Variants in MNAT1 observed in about 807,000 individuals in gnomAD.
MNAT1 encodes the protein MNAT1 component of CDK activating kinase, also known as CDK-activating kinase assembly factor MAT1.
Under a neutral mutation model 42.0 loss-of-function variants are expected in MNAT1, and 43 were observed. The observed-to-expected ratio is 1.02, with a 90% CI of 0.80 to 1.32. The LOEUF (loss-of-function observed/expected upper bound fraction) is 1.32. MNAT1 is among the 40% of genes most tolerant of loss of function. MNAT1 has a pLI of 0.00. For missense variants in MNAT1, 306 were observed against 350.4 expected (o/e 0.87, Z 1.01); for synonymous variants, 118 against 120.0 (o/e 0.98, Z 0.11).
At chr14:60,850,489 C>T (rs1358269245) in intron 6 of MNAT1, among the ~76,000 whole-genome samples, 5 of 152,116 alleles carry the variant, frequency 3.3e-5, no homozygotes, top group Non-Finnish European at 5.9e-5. Flanking sequence ...GACTTTTTTC[C>T]TTGCCTTTAT....
At chr14:60,764,497 G>T (rs1320326965) in intron 1 of MNAT1, among the ~76,000 whole-genome samples, 2 of 152,246 alleles carry the variant, frequency 1.3e-5, no homozygotes, top group East Asian at 1.9e-4. Context: ...CATACTTTTG[G>T]TCCCTTGTTT....
intron 7 of MNAT1, among the ~76,000 whole-genome samples, chr14:60,964,225 C>A (rs930865429): frequency 1.3e-5 from 2 of 152,114 alleles, no homozygotes; most frequent in African/African-American, 4.8e-5. Flanking sequence ...AGGAACAAAC[C>A]TTCAAGTGTG....
At chr14:60,921,152 A>G (rs2035651499) in intron 7 of MNAT1, among the ~76,000 whole-genome samples, 1 of 152,152 alleles carries the variant, frequency 6.6e-6, no homozygotes, top group African/African-American at 2.4e-5. Flanking sequence ...ATGTTACATA[A>G]ACTGTTGGAG....
chr14:60,738,512 C>T (rs914891977), intron 1 of MNAT1, among the ~76,000 whole-genome samples: 1 of 152,070 alleles, frequency 6.6e-6, no homozygotes, highest in Admixed American at 6.5e-5. Context: ...CCTCGATCCT[C>T]CCAAAGTGCT....
intron 7 of MNAT1, among the ~76,000 whole-genome samples, chr14:60,897,664 A>G (rs988034260): frequency 1.3e-5 from 2 of 152,234 alleles, no homozygotes; most frequent in African/African-American, 4.8e-5. Flanking sequence ...ATATTTTTAC[A>G]TGCATAGAAT....
chr14:60,893,759 A>G (rs907544587), intron 7 of MNAT1, among the ~76,000 whole-genome samples: 4 of 151,874 alleles, frequency 2.6e-5, no homozygotes, highest in African/African-American at 9.7e-5. Flanking sequence ...TCTAGTTTTC[A>G]ACAGGCTCTG....
chr14:60,853,327 C>G (rs148595960), intron 6 of MNAT1, among the ~76,000 whole-genome samples: 1 of 152,146 alleles, frequency 6.6e-6, no homozygotes, highest in East Asian at 1.9e-4. Flanking sequence ...GGAGTTCACT[C>G]ATGATTTGGT....
At chr14:60,955,388 GTGGTGGC>G (rs1402665150) in intron 7 of MNAT1, among the ~76,000 whole-genome samples, 10 of 152,190 alleles carry the variant, frequency 6.6e-5, no homozygotes, top group Non-Finnish European at 1.0e-4. Flanking sequence ...CAGGCCAGGT[GTGGTGGC>G]TCACACCTGT....
chr14:60,802,750 T>C (rs2032245340), intron 3 of MNAT1, among the ~76,000 whole-genome samples: 1 of 152,146 alleles, frequency 6.6e-6, no homozygotes, highest in Admixed American at 6.5e-5. Context: ...TGTATGGTGT[T>C]AATCAGGTAA....
intron 7 of MNAT1, among the ~76,000 whole-genome samples, chr14:60,929,161 AAAAAAAAAAAT>A (rs1388966835): frequency 2.2e-5 from 3 of 135,944 alleles, no homozygotes; most frequent in African/African-American, 5.8e-5. Context: ...AAAAAAAAAA[AAAAAAAAAAAT>A]ATATATATAT....
chr14:60,739,849 C>G (rs761018735), intron 1 of MNAT1, among the ~76,000 whole-genome samples: 13 of 152,210 alleles, frequency 8.5e-5, no homozygotes, highest in Non-Finnish European at 1.5e-4. Context: ...CATTTAACTA[C>G]AGCCTTTAAT....
At chr14:60,760,241 C>T (rs1203892368) in intron 1 of MNAT1, among the ~76,000 whole-genome samples, 1 of 151,670 alleles carries the variant, frequency 6.6e-6, no homozygotes, top group Non-Finnish European at 1.5e-5. Context: ...TATGCTTTAC[C>T]TCCTTTTTAG....
At chr14:60,795,960 GTC>G (rs758755273) in intron 1 of MNAT1, among the ~76,000 whole-genome samples, 2 of 152,070 alleles carry the variant, frequency 1.3e-5, no homozygotes, top group African/African-American at 2.4e-5. Context: ...CTTCTTCCTA[GTC>G]TCTCACTCAA....
At chr14:60,931,513 GGACCAAAATAGGTA>G (rs2035881856) in intron 7 of MNAT1, among the ~76,000 whole-genome samples, 1 of 152,124 alleles carries the variant, frequency 6.6e-6, no homozygotes, top group Non-Finnish European at 1.5e-5. Flanking sequence ...CAGCTGGGCT[GGACCAAAATAGGTA>G]GACTGTAAAA....
At chr14:60,934,501 A>G (rs2035951618) in intron 7 of MNAT1, among the ~76,000 whole-genome samples, 1 of 152,198 alleles carries the variant, frequency 6.6e-6, no homozygotes, top group East Asian at 1.9e-4. Context: ...GGTCTTTTCC[A>G]TGCTGTTCTC....
intron 7 of MNAT1, among the ~76,000 whole-genome samples, chr14:60,911,260 C>T (rs2035350891): frequency 6.6e-6 from 1 of 152,038 alleles, no homozygotes; most frequent in Non-Finnish European, 1.5e-5. Flanking sequence ...TTTTGTTGAT[C>T]TTTTCAAAAA....
intron 7 of MNAT1, among the ~76,000 whole-genome samples, chr14:60,956,281 GTTGT>G (rs2036486823): frequency 6.6e-6 from 1 of 152,018 alleles, no homozygotes; most frequent in South Asian, 2.1e-4. Context: ...TCATGAGTGT[GTTGT>G]TTAATTTCCA....
At chr14:60,854,383 C>G (rs932635404) in intron 6 of MNAT1, among the ~76,000 whole-genome samples, 4 of 152,172 alleles carry the variant, frequency 2.6e-5, no homozygotes, top group African/African-American at 9.7e-5. Context: ...AAGAGGCATT[C>G]TGGTTTTTGG....
At chr14:60,804,779 G>C (rs1364235251) in intron 3 of MNAT1, among the ~76,000 whole-genome samples, 2 of 152,156 alleles carry the variant, frequency 1.3e-5, no homozygotes, top group East Asian at 3.8e-4. Context: ...CTGGCCTCAA[G>C]TGATCCAGAA....
Sources: gnomAD v4.1 joint callset for allele counts (sites outside exome capture counted in the v4.1 genomes callset) on GRCh38, gnomAD v4.1.1 for gene constraint, MANE v1.5 for transcripts, NCBI Gene and HGNC (gene_info 2026-07-23, HGNC 2026-07-21) for gene names.